CNTN4: variants seen among roughly 807,000 people sequenced by gnomAD.
CNTN4 encodes contactin-4.
Under a neutral mutation model 122.5 loss-of-function variants are expected in CNTN4, and 77 were observed. The observed-to-expected ratio is 0.63, with a 90% CI of 0.52 to 0.76. The LOEUF (loss-of-function observed/expected upper bound fraction) is 0.76. Ranked by LOEUF, CNTN4 falls within the 30% of genes least tolerant of loss-of-function variation. The probability of loss-of-function intolerance (pLI) is 0.00; values close to 1 mark genes in which losing one functional copy is unlikely to be tolerated. For missense variants in CNTN4, 1,256 were observed against 1,259.1 expected (o/e 1.00, Z 0.04); for synonymous variants, 512 against 447.0 (o/e 1.15, Z -1.83).
chr3:2,572,692 T>C (rs1252256669), intron 4 of CNTN4, among the ~76,000 whole-genome samples: 2 of 152,344 alleles, frequency 1.3e-5, no homozygotes, highest in Non-Finnish European at 2.9e-5. Flanking sequence ...TACTTTGATG[T>C]ATGCATTCAC....
At position 2,341,454 on chromosome 3, in the gene CNTN4, A is replaced by C. The variant is rs555577449; in HGVS notation, c.-89+2221A>C. Among the ~76,000 whole-genome samples the C allele has an allele frequency of 5.9e-5, 9 of 152,322 alleles. No individual in the cohort carries two copies. The South Asian group carries it at 1.9e-3, about 32-fold the overall frequency. ...CAGATGATGTCTTCCATAACTATCCATGGACAGAATGAAAGATTTAATGAC... is the reference window on the plus strand; with the variant it reads ...CAGATGATGTCTTCCATAACTATCCCTGGACAGAATGAAAGATTTAATGAC... On this transcript the variant is annotated intron_variant, in intron 3 of 24. Transcript: ENST00000418658.
chr3:2,660,218 A>AT (rs1231670757), intron 4 of CNTN4, among the ~76,000 whole-genome samples: 4 of 106,566 alleles, frequency 3.8e-5, no homozygotes, highest in African/African-American at 6.2e-5. Context: ...TTTATAAATG[A>AT]TTAAAAAAAA....
intron 13 of CNTN4, among the ~76,000 whole-genome samples, chr3:2,967,034 C>T (rs932359680): frequency 7.2e-5 from 11 of 152,166 alleles, no homozygotes; most frequent in African/African-American, 2.4e-4. Context: ...ATAATTCACT[C>T]AGAGCTGGCT....
chr3:2,641,089 A>T (rs540170090), intron 4 of CNTN4, among the ~76,000 whole-genome samples: 1 of 152,322 alleles, frequency 6.6e-6, no homozygotes, highest in Non-Finnish European at 1.5e-5. Context: ...CAGTGTACTT[A>T]ATACCCTCAA....
intron 4 of CNTN4, among the ~76,000 whole-genome samples, chr3:2,715,760 A>G (rs1172143548): frequency 6.6e-6 from 1 of 152,220 alleles, no homozygotes; most frequent in Non-Finnish European, 1.5e-5. Flanking sequence ...TGGCTGAGAC[A>G]GTGCGAGCTC....
chr3:2,122,819 G>A (rs915056578), intron 2 of CNTN4, among the ~76,000 whole-genome samples: 1 of 152,154 alleles, frequency 6.6e-6, no homozygotes, highest in African/African-American at 2.4e-5. Context: ...CTTTCACGAA[G>A]CCTCACAAGT....
chr3:2,872,677 C>T (rs2093800071), intron 8 of CNTN4, among the ~76,000 whole-genome samples: 1 of 152,054 alleles, frequency 6.6e-6, no homozygotes, highest in African/African-American at 2.4e-5. Flanking sequence ...TTCAAATTCT[C>T]TCTTTCTCTG....
chr3:2,611,099 C>G (rs575749710), intron 4 of CNTN4, among the ~76,000 whole-genome samples: 1 of 151,798 alleles, frequency 6.6e-6, no homozygotes, highest in East Asian at 1.9e-4. Flanking sequence ...TTGTTGCTGT[C>G]TCCATTTTAC....
At chr3:2,828,208 G>A (rs1242955770) in intron 7 of CNTN4, among the ~76,000 whole-genome samples, 1 of 152,012 alleles carries the variant, frequency 6.6e-6, no homozygotes, top group Non-Finnish European at 1.5e-5. Context: ...CATAACAAAT[G>A]ATAGCTAATG....
At chr3:2,389,429 C>A (rs1451835730) in intron 3 of CNTN4, among the ~76,000 whole-genome samples, 7 of 152,054 alleles carry the variant, frequency 4.6e-5, no homozygotes, top group Non-Finnish European at 1.0e-4. Flanking sequence ...AAAGGTGTAA[C>A]TCTTCAGAGA....
rs894186396 is a variant in CNTN4 at position 2,773,164 on chromosome 3, A to G, written c.358+27467A>G. Among the ~76,000 whole-genome samples, 14 of 152,210 alleles carry G rather than the reference A, an allele frequency of 9.2e-5. 1 individual carries two copies. The South Asian group carries it at 2.3e-3, about 25-fold the overall frequency. On this transcript the variant is annotated intron_variant, in intron 6 of 24. Transcript: ENST00000418658. ...CAGAGTAAATGGGAAGTCAAGAAGT[A>G]GAGAAAGCAAGGGTATACCTGAAGA...
intron 6 of CNTN4, among the ~76,000 whole-genome samples, chr3:2,800,694 C>G (rs1469819448): frequency 6.6e-6 from 1 of 152,202 alleles, no homozygotes; most frequent in Non-Finnish European, 1.5e-5. Context: ...AGACTAGGAA[C>G]TAAAGATCTT....
At chr3:2,371,270 G>A (rs1218544016) in intron 3 of CNTN4, among the ~76,000 whole-genome samples, 1 of 152,110 alleles carries the variant, frequency 6.6e-6, no homozygotes, top group African/African-American at 2.4e-5. Flanking sequence ...GCTCATACAT[G>A]CCACTGTGCC....
intron 2 of CNTN4, among the ~76,000 whole-genome samples, chr3:2,261,849 G>A (rs1273255913): frequency 6.6e-6 from 1 of 152,106 alleles, no homozygotes; most frequent in African/African-American, 2.4e-5. Context: ...AAATCTGCCC[G>A]AGTATCTGTG....
At chr3:2,525,172 A>G (rs1264187604) in intron 3 of CNTN4, among the ~76,000 whole-genome samples, 1 of 152,140 alleles carries the variant, frequency 6.6e-6, no homozygotes, top group Non-Finnish European at 1.5e-5. Context: ...TGCAGCATGC[A>G]CTGTGGAAGG....
chr3:2,306,746 T>G (rs1160787190), intron 2 of CNTN4, among the ~76,000 whole-genome samples: 1 of 152,180 alleles, frequency 6.6e-6, no homozygotes, highest in Non-Finnish European at 1.5e-5. Flanking sequence ...TTCCATTCCA[T>G]GAACACGGGA....
rs188081210 is a variant in CNTN4, at chr3:2,677,118, A to G, written c.56-59097A>G. On this transcript the variant is annotated intron_variant, in intron 4 of 24. Coordinates refer to ENST00000418658, the MANE Select transcript of CNTN4 (RefSeq NM_175607.3). The stretch of plus-strand genomic sequence containing the variant: ...TCTCTCTCTCTATAGATAGATAGAT[A>G]GATCACTCTTTTAGATAGATAGATA... Among the ~76,000 whole-genome samples the G allele has an allele frequency of 3.8e-4, 57 of 149,110 alleles. 1 individual carries two copies. In the East Asian group the frequency reaches 9.7e-3, roughly 25 times the overall value.
rs138632044 is a variant in CNTN4 at position 2,395,457 on chromosome 3, A to G, written c.-89+56224A>G. Among the ~76,000 whole-genome samples the G allele has an allele frequency of 1.2e-3, 179 of 152,284 alleles. 1 individual carries two copies. The highest frequency in any genetic ancestry group is 4.1e-3 in the African/African-American group (169 of 41,562). On this transcript the variant is annotated intron_variant, in intron 3 of 24. Coordinates refer to ENST00000418658, the MANE Select transcript of CNTN4 (RefSeq NM_175607.3). ...CTATATACTTTCCTTTTAAATTTCAACTTTTAGGATCACATGGTACACTGT... is the reference window on the plus strand; with the variant it reads ...CTATATACTTTCCTTTTAAATTTCAGCTTTTAGGATCACATGGTACACTGT...
At chr3:2,530,789 G>A (rs1025408997) in intron 3 of CNTN4, among the ~76,000 whole-genome samples, 2 of 152,106 alleles carry the variant, frequency 1.3e-5, no homozygotes, top group African/African-American at 2.4e-5. Context: ...TGTAACTCCC[G>A]TGATCTAAGA....
Sources: gnomAD v4.1 joint callset for allele counts (sites outside exome capture counted in the v4.1 genomes callset) on GRCh38, gnomAD v4.1.1 for gene constraint, MANE v1.5 for transcripts, NCBI Gene and HGNC (gene_info 2026-07-23, HGNC 2026-07-21) for gene names.